Variants in NLGN1 observed in about 807,000 individuals in gnomAD.
The protein encoded by NLGN1 is neuroligin 1, also known as neuroligin-1.
In NLGN1, 12 loss-of-function variants were observed where a neutral mutation model predicts 65.5. The ratio of observed to expected loss-of-function variants is 0.18; its 90% CI spans 0.12 to 0.30. The LOEUF (loss-of-function observed/expected upper bound fraction) is 0.30, where lower values mean the gene tolerates loss of function less well. Ranked by LOEUF, NLGN1 falls within the 10% of genes least tolerant of loss-of-function variation. NLGN1 has a pLI of 1.00. For synonymous variants in NLGN1, 350 were observed against 359.5 expected (o/e 0.97, Z 0.30); for missense variants, 750 against 1,007.1 (o/e 0.74, Z 3.46).
intron 4 of NLGN1, among the ~76,000 whole-genome samples, chr3:174,113,841 G>A (rs1715755451): frequency 6.6e-6 from 1 of 152,042 alleles, no homozygotes; most frequent in Non-Finnish European, 1.5e-5. Flanking sequence ...ACTGTACGTA[G>A]GTGAATCAAC....
rs146528875 is a variant in NLGN1, at chr3:173,534,552, A to T, written c.-320-69727A>T. 7.7e-3 allele frequency among the ~76,000 whole-genome samples: 1,176 copies of T among 152,344 alleles called. 22 individuals are homozygous for T. Among genetic ancestry groups the T allele is most frequent in the African/African-American group, 0.026 (1,096 of 41,580 alleles). ...CCCTTAAACTATACTCTTGTATACA[A>T]GAATTATTGCTCTCTAAATCTTATG... On this transcript the variant is annotated intron_variant, in intron 2 of 6. Coordinates refer to ENST00000457714, the Ensembl canonical transcript of NLGN1.
At chr3:173,642,844 G>A (rs762467056) in intron 3 of NLGN1, among the ~76,000 whole-genome samples, 24 of 152,252 alleles carry the variant, frequency 1.6e-4, no homozygotes, top group Middle Eastern at 6.8e-3. Flanking sequence ...AAGTACTTAT[G>A]TATGACCCTT....
chr3:174,054,393 C>T (rs763557110), intron 4 of NLGN1, among the ~76,000 whole-genome samples: 17 of 151,944 alleles, frequency 1.1e-4, no homozygotes, highest in Non-Finnish European at 1.3e-4. Context: ...AAAATAAAAT[C>T]AATCATTAAC....
chr3:173,871,172 C>T (rs772227661), intron 4 of NLGN1, among the ~76,000 whole-genome samples: 5 of 152,128 alleles, frequency 3.3e-5, no homozygotes, highest in African/African-American at 4.8e-5. Context: ...GGGAAGATGA[C>T]GTGTCCCGAA....
At position 174,160,713 on chromosome 3, in the gene NLGN1, T is replaced by C. The variant is rs1208241842; in HGVS notation, c.647-114602T>C. ...AATATAATAATTGTATATTTTCTAT[T>C]ATAATAGTTTTATCATATTGCCAAT... On this transcript the variant is annotated intron_variant, in intron 4 of 6. Coordinates refer to ENST00000457714, the Ensembl canonical transcript of NLGN1. Among the ~76,000 whole-genome samples, 3 of 151,168 alleles carry C rather than the reference T, an allele frequency of 2.0e-5. No individual in the cohort carries two copies. The East Asian group carries it at 5.8e-4, about 29-fold the overall frequency.
chr3:174,090,737 ATTT>A (rs59855485), intron 4 of NLGN1, among the ~76,000 whole-genome samples: 1 of 146,924 alleles, frequency 6.8e-6, no homozygotes, highest in Non-Finnish European at 1.5e-5. Flanking sequence ...GAAAACAATG[ATTT>A]TTTTTTTTTT....
At chr3:174,238,677 G>GT (rs1374951739) in intron 4 of NLGN1, among the ~76,000 whole-genome samples, 7 of 152,048 alleles carry the variant, frequency 4.6e-5, no homozygotes, top group African/African-American at 7.2e-5. Context: ...TACTTCTTAT[G>GT]TTTTTTTCTC....
upstream of NLGN1, chr3:173,398,404 C>T (rs1490213740): frequency 1.3e-5 from 2 of 152,160 alleles, no homozygotes; most frequent in Non-Finnish European, 2.9e-5. Context: ...CATTATTGGG[C>T]AATAAACTCT....
At chr3:173,522,086 C>T (rs1734851884) in intron 2 of NLGN1, among the ~76,000 whole-genome samples, 1 of 152,228 alleles carries the variant, frequency 6.6e-6, no homozygotes, top group African/African-American at 2.4e-5. Flanking sequence ...ATTTTCAACT[C>T]TCTGCACACC....
intron 4 of NLGN1, among the ~76,000 whole-genome samples, chr3:174,062,623 G>A (rs983522391): frequency 3.3e-5 from 5 of 151,838 alleles, no homozygotes; most frequent in African/African-American, 1.2e-4. Flanking sequence ...TCAGAATAGT[G>A]TATGTCATAT....
intron 4 of NLGN1, among the ~76,000 whole-genome samples, chr3:174,153,053 A>G (rs1406484454): frequency 2.0e-5 from 3 of 152,098 alleles, no homozygotes; most frequent in African/African-American, 4.8e-5. Context: ...CTCCATCACT[A>G]TGCTTTGCAG....
At chr3:173,765,640 A>G (rs910297116) in intron 3 of NLGN1, among the ~76,000 whole-genome samples, 1 of 152,116 alleles carries the variant, frequency 6.6e-6, no homozygotes, top group Non-Finnish European at 1.5e-5. Flanking sequence ...TATTGTTCCA[A>G]TCTCTCTCTA....
intron 2 of NLGN1, among the ~76,000 whole-genome samples, chr3:173,510,698 CT>C (rs1379414463): frequency 6.6e-6 from 1 of 152,016 alleles, no homozygotes; most frequent in African/African-American, 2.4e-5. Context: ...GATAAATTAT[CT>C]TTGTGCCTTG....
At chr3:174,017,134 T>C (rs1726734285) in intron 4 of NLGN1, among the ~76,000 whole-genome samples, 1 of 152,098 alleles carries the variant, frequency 6.6e-6, no homozygotes, top group South Asian at 2.1e-4. Context: ...TTGCAAACCA[T>C]AGGTGCTTAT....
chr3:173,894,625 TTC>T (rs1413167313), intron 4 of NLGN1, among the ~76,000 whole-genome samples: 3 of 138,618 alleles, frequency 2.2e-5, no homozygotes, highest in Non-Finnish European at 3.0e-5. Context: ...TTTCTTTTTT[TTC>T]TTTTTCTTTT....
At chr3:173,534,322 C>T (rs1737095738) in intron 2 of NLGN1, among the ~76,000 whole-genome samples, 1 of 152,228 alleles carries the variant, frequency 6.6e-6, no homozygotes, top group Admixed American at 6.5e-5. Flanking sequence ...AATTATAAAT[C>T]ATGTTCAATT....
At chr3:173,679,454 G>A (rs376905986) in intron 3 of NLGN1, among the ~76,000 whole-genome samples, 2 of 151,960 alleles carry the variant, frequency 1.3e-5, no homozygotes, top group Non-Finnish European at 2.9e-5. Flanking sequence ...AGTGATTTGG[G>A]GATAAATGTT....
At chr3:173,472,258 T>C (rs897984828) in intron 2 of NLGN1, among the ~76,000 whole-genome samples, 9 of 152,132 alleles carry the variant, frequency 5.9e-5, no homozygotes, top group African/African-American at 2.2e-4. Context: ...ACAAACATAT[T>C]CTACTCTCTG....
At chr3:174,255,567 A>G (rs1745564453) in intron 4 of NLGN1, among the ~76,000 whole-genome samples, 3 of 151,838 alleles carry the variant, frequency 2.0e-5, no homozygotes, top group Admixed American at 2.0e-4. Flanking sequence ...TATTTTGATC[A>G]ATTTTGAGAT....
Sources: allele counts gnomAD v4.1 joint callset (sites outside exome capture counted in the v4.1 genomes callset), GRCh38; gene constraint gnomAD v4.1.1; transcripts MANE v1.5; gene names NCBI Gene and HGNC (gene_info 2026-07-23, HGNC 2026-07-21).